The following MYT1L variants were observed in gnomAD, a reference collection of about 807,000 sequenced individuals.
MYT1L encodes myelin transcription factor 1-like protein.
Under a neutral mutation model 126.7 loss-of-function variants are expected in MYT1L, and 12 were observed. The ratio of observed to expected loss-of-function variants is 0.09; its 90% CI spans 0.06 to 0.15. MYT1L has a LOEUF of 0.15. MYT1L is among the 10% of genes least tolerant of loss of function. The probability of loss-of-function intolerance (pLI) is 1.00; values close to 1 mark genes in which losing one functional copy is unlikely to be tolerated. For synonymous variants in MYT1L, 541 were observed against 604.2 expected (o/e 0.90, Z 1.53); for missense variants, 979 against 1,585.2 (o/e 0.62, Z 6.49).
chr2:2,099,588 T>C (rs1284886048), intron 3 of MYT1L, among the ~76,000 whole-genome samples: 1 of 152,180 alleles, frequency 6.6e-6, no homozygotes, highest in Non-Finnish European at 1.5e-5. Flanking sequence ...CTAATTGCTA[T>C]TTAATGTGGT....
intron 4 of MYT1L, among the ~76,000 whole-genome samples, chr2:2,043,438 T>G (rs1023527465): frequency 2.0e-5 from 3 of 152,248 alleles, no homozygotes; most frequent in African/African-American, 7.2e-5. Context: ...TCATTGTACA[T>G]TGCAGCCACA....
intron 18 of MYT1L, among the ~76,000 whole-genome samples, chr2:1,873,632 G>C (rs578118260): frequency 2.6e-4 from 39 of 152,312 alleles, no homozygotes; most frequent in African/African-American, 8.4e-4. Context: ...CAGGCATCAG[G>C]CACCATTCTG....
chr2:1,805,490 G>A (rs13397276), intron 22 of MYT1L, among the ~76,000 whole-genome samples: 3 of 152,168 alleles, frequency 2.0e-5, no homozygotes, highest in Admixed American at 1.3e-4. Flanking sequence ...GGTGGCTCAC[G>A]CCTATAATCC....
rs555895601 is a variant in MYT1L, at chr2:2,241,345, A to C, written c.-421+43059T>G. On this transcript the variant is annotated intron_variant, in intron 2 of 24. Coordinates refer to ENST00000647738, the MANE Select transcript of MYT1L (RefSeq NM_001303052.2). ...AATCAGAAAAGAGGGAAGAACAGGAACACAATGGGGAAGCCCCATGAAGTG... is the reference window on the plus strand; with the variant it reads ...AATCAGAAAAGAGGGAAGAACAGGACCACAATGGGGAAGCCCCATGAAGTG... Among the ~76,000 whole-genome samples the C allele has an allele frequency of 3.9e-5, 6 of 152,308 alleles. No homozygotes were observed. In the South Asian group the frequency reaches 1.2e-3, roughly 32 times the overall value.
chr2:2,032,088 T>TATACACACCCCTCGCCAGTGCCTC, intron 4 of MYT1L, among the ~76,000 whole-genome samples: 1 of 132,636 alleles, frequency 7.5e-6, no homozygotes. Context: ...AGGAGGGCCT[T>TATACACACCCCTCGCCAGTGCCTC]ACACACACCC....
chr2:2,171,184 G>A lies in MYT1L; in HGVS notation c.-304+1688C>T, dbSNP rs184392166. Among the ~76,000 whole-genome samples, 408 of 152,224 alleles carry A rather than the reference G, an allele frequency of 2.7e-3. 4 individuals are homozygous for A. Among genetic ancestry groups the A allele is most frequent in the Admixed American group, 0.024 (361 of 15,298 alleles). On this transcript the variant is annotated intron_variant, in intron 3 of 24. Coordinates refer to ENST00000647738, the MANE Select transcript of MYT1L (RefSeq NM_001303052.2). ...TTTTTCCCCTAACCAAGTCCAACTT[G>A]CTCTCCCACCCTGAAAATGGACATC...
chr2:2,278,176 G>A (rs1416801405), intron 2 of MYT1L, among the ~76,000 whole-genome samples: 4 of 152,176 alleles, frequency 2.6e-5, no homozygotes, highest in Non-Finnish European at 5.9e-5. Context: ...CTAATGGGTG[G>A]CCTACATGTG....
At chr2:1,816,765 G>GC (rs202086394) in intron 21 of MYT1L, 1,995 of 152,848 alleles carry the variant, frequency 0.013, 27 homozygotes, top group Non-Finnish European at 0.02. Flanking sequence ...GACAGCTGTG[G>GC]CCCCCCAGGG....
rs547726128 is a variant in MYT1L, at chr2:2,228,435, A to AT, written c.-420-55448dup. On this transcript the variant is annotated intron_variant, in intron 2 of 24. Transcript: ENST00000647738. The surrounding 1 kb of genome is among the most constrained non-coding windows in gnomAD (Gnocchi z 5.9). The stretch of plus-strand genomic sequence containing the variant: ...ATGAATGTCTTATCCAAAAGCAAAC[A>AT]TTTTTTAATACTGTTATCTAATTAA... Among the ~76,000 whole-genome samples the AT allele has an allele frequency of 5.3e-5, 8 of 152,222 alleles. No homozygotes were observed. Among genetic ancestry groups the AT allele is most frequent in the Non-Finnish European group, 1.2e-4 (8 of 68,030 alleles).
At chr2:2,264,521 C>T (rs1331184394) in intron 2 of MYT1L, among the ~76,000 whole-genome samples, 1 of 152,116 alleles carries the variant, frequency 6.6e-6, no homozygotes, top group Admixed American at 6.5e-5. Flanking sequence ...ACCTAATAAT[C>T]TTAATCAGCT....
intron 21 of MYT1L, among the ~76,000 whole-genome samples, chr2:1,829,010 G>C (rs2039746190): frequency 6.6e-6 from 1 of 152,096 alleles, no homozygotes; most frequent in Admixed American, 6.5e-5. Context: ...GGATGCTCAG[G>C]GCACTGCACA....
At chr2:1,963,644 T>A (rs532732914) in intron 8 of MYT1L, among the ~76,000 whole-genome samples, 1 of 152,346 alleles carries the variant, frequency 6.6e-6, no homozygotes, top group South Asian at 2.1e-4. Context: ...AGCTTCTCCA[T>A]CAGCACTTGC....
At chr2:2,194,484 A>G (rs2092715369) in intron 2 of MYT1L, among the ~76,000 whole-genome samples, 1 of 152,212 alleles carries the variant, frequency 6.6e-6, no homozygotes, top group African/African-American at 2.4e-5. Context: ...AGTGTTACAT[A>G]CAGGATGGGG....
chr2:2,233,768 C>A (rs1338697204), intron 2 of MYT1L, among the ~76,000 whole-genome samples: 1 of 152,146 alleles, frequency 6.6e-6, no homozygotes, highest in African/African-American at 2.4e-5. Flanking sequence ...CATGTTGAAC[C>A]AAGGCAGCCC....
intron 13 of MYT1L, among the ~76,000 whole-genome samples, chr2:1,907,515 G>A (rs1379472012): frequency 6.6e-6 from 1 of 152,154 alleles, no homozygotes; most frequent in African/African-American, 2.4e-5. Context: ...TAATCCCCAA[G>A]CCTTAAAAAG....
chr2:1,864,333 G>A (rs560089408), intron 18 of MYT1L, among the ~76,000 whole-genome samples: 2 of 152,282 alleles, frequency 1.3e-5, no homozygotes, highest in South Asian at 2.1e-4. Context: ...CACCCTCCAC[G>A]GAGTCTCCAC....
At chr2:2,245,704 A>T (rs2094521405) in intron 2 of MYT1L, among the ~76,000 whole-genome samples, 1 of 152,036 alleles carries the variant, frequency 6.6e-6, no homozygotes, top group Non-Finnish European at 1.5e-5. Context: ...TACAGGGCTC[A>T]GCACCATCCA....
chr2:1,850,733 C>T (rs1051554649), intron 19 of MYT1L, among the ~76,000 whole-genome samples: 2 of 152,152 alleles, frequency 1.3e-5, no homozygotes, highest in Non-Finnish European at 2.9e-5. Context: ...TATCCTACCA[C>T]CCTGGCCGGC....
At chr2:2,004,148 T>C (rs896732995) in intron 4 of MYT1L, among the ~76,000 whole-genome samples, 1 of 150,192 alleles carries the variant, frequency 6.7e-6, no homozygotes, top group Non-Finnish European at 1.5e-5. Context: ...CCTGCATACG[T>C]TCTTTCCTGT....
Sources: gnomAD v4.1 joint callset for allele counts (sites outside exome capture counted in the v4.1 genomes callset) on GRCh38, gnomAD v4.1.1 for gene constraint, Gnocchi (gnomAD v3.1) non-coding constraint, MANE v1.5 for transcripts, NCBI Gene and HGNC (gene_info 2026-07-23, HGNC 2026-07-21) for gene names.